The following VPS8 variants were observed in gnomAD, a reference collection of about 807,000 sequenced individuals.
The protein encoded by VPS8 is VPS8 subunit of CORVET complex, also known as vacuolar protein sorting-associated protein 8 homolog.
Under a neutral mutation model 216.4 loss-of-function variants are expected in VPS8, and 129 were observed. The ratio of observed to expected loss-of-function variants is 0.60; its 90% confidence interval spans 0.52 to 0.69. The LOEUF (loss-of-function observed/expected upper bound fraction) is 0.69. VPS8 is among the 30% of genes least tolerant of loss of function. The probability of loss-of-function intolerance (pLI) is 0.00; values close to 1 mark genes in which losing one functional copy is unlikely to be tolerated. For synonymous variants in VPS8, 571 were observed against 565.4 expected, an observed-to-expected ratio of 1.01 and a Z score of -0.14; for missense variants, 1,531 against 1,683.5, an observed-to-expected ratio of 0.91 and a Z score of 1.59.
intron 39 of VPS8, among the ~76,000 whole-genome samples, chr3:184,967,630 G>A (rs1207347607): frequency 2.0e-5 from 3 of 152,068 alleles, no homozygotes; most frequent in African/African-American, 7.3e-5. Context: ...CTGAGGTCAG[G>A]AGTTCGAGAT....
rs1712157191 is a variant in VPS8 at position 185,043,479 on chromosome 3, G to C, written c.4057-5000G>C. On this transcript the variant is annotated intron_variant, in intron 46 of 47. Transcript: ENST00000625842. The stretch of plus-strand genomic sequence containing the variant: ...TTTGTAGTTGAGACAACTGATATGA[G>C]GGATATCAACACAACTAATTAGTGT... 2.6e-5 allele frequency among the ~76,000 whole-genome samples: 4 copies of C among 152,102 alleles called. No individual in the cohort carries two copies. The South Asian group carries it at 8.3e-4, about 32-fold the overall frequency.
intron 46 of VPS8, among the ~76,000 whole-genome samples, chr3:185,027,848 C>T (rs996968052): frequency 6.6e-6 from 1 of 152,108 alleles, no homozygotes; most frequent in African/African-American, 2.4e-5. Flanking sequence ...ACAAGTGGCC[C>T]GGGCAGCATT....
chr3:184,965,204 A>C (rs973938726), intron 38 of VPS8, among the ~76,000 whole-genome samples: 10 of 152,138 alleles, frequency 6.6e-5, no homozygotes, highest in African/African-American at 2.4e-4. Flanking sequence ...TAGGGATATC[A>C]TATTTATATT....
intron 29 of VPS8, 128 bp downstream of exon 29, chr3:184,920,326 G>T (rs373056018): frequency 3.8e-5 from 23 of 604,186 alleles, no homozygotes; most frequent in Non-Finnish European, 5.8e-5. Context: ...ATTTTATTAC[G>T]GTGTCTTTGT....
intron 17 of VPS8, 121 bp downstream of exon 17, chr3:184,867,071 A>C: frequency 2.4e-6 from 2 of 844,064 alleles, no homozygotes; most frequent in Non-Finnish European, 3.6e-6. Flanking sequence ...ATTATCCTAA[A>C]CCCTTTGTGG....
intron 43 of VPS8, among the ~76,000 whole-genome samples, chr3:184,995,584 G>A (rs562304117): frequency 1.3e-5 from 2 of 152,190 alleles, no homozygotes; most frequent in Non-Finnish European, 2.9e-5. Flanking sequence ...AGGGCAGGCA[G>A]TACCTAGCTC....
At chr3:184,842,708 C>T (rs997309393) in intron 7 of VPS8, among the ~76,000 whole-genome samples, 5 of 152,118 alleles carry the variant, frequency 3.3e-5, no homozygotes, top group African/African-American at 1.2e-4. Flanking sequence ...AAGAGCTATA[C>T]TTGTTTAAGT....
intron 42 of VPS8, among the ~76,000 whole-genome samples, chr3:184,989,965 C>T (rs1332679661): frequency 1.3e-5 from 2 of 151,940 alleles, no homozygotes; most frequent in East Asian, 1.9e-4. Context: ...CCCAGCTACT[C>T]GGGAGGCTGA....
chr3:184,961,754 G>A (rs991060711), intron 37 of VPS8, among the ~76,000 whole-genome samples: 3 of 132,540 alleles, frequency 2.3e-5, no homozygotes, highest in African/African-American at 5.5e-5. Flanking sequence ...TTTTGTTTTT[G>A]TTTTTGTTTT....
At chr3:184,990,030 G>A (rs1241732986) in intron 42 of VPS8, among the ~76,000 whole-genome samples, 2 of 151,990 alleles carry the variant, frequency 1.3e-5, no homozygotes, top group Admixed American at 6.6e-5. Context: ...CCGAGACCAC[G>A]CCACTGCACT....
At chr3:184,825,642 C>T (rs1404518418) in intron 2 of VPS8, among the ~76,000 whole-genome samples, 2 of 152,178 alleles carry the variant, frequency 1.3e-5, no homozygotes, top group Admixed American at 6.5e-5. Context: ...TGGCTCACGC[C>T]TGTGATTCCA....
chr3:184,892,956 T>A lies in VPS8; in HGVS notation c.1782-1747T>A, dbSNP rs1305541264. Among the ~76,000 whole-genome samples the A allele has an allele frequency of 4.6e-5, 7 of 152,306 alleles. No homozygotes were observed. In the East Asian group the frequency reaches 1.2e-3, roughly 25 times the overall value. On this transcript the variant is annotated intron_variant, in intron 22 of 47. Transcript: ENST00000625842. ...GGTTATCTTGTTACTTTTTCTTTCTTACAGTAAAACTCCATTAATCTCTGT... is the reference window on the plus strand; with the variant it reads ...GGTTATCTTGTTACTTTTTCTTTCTAACAGTAAAACTCCATTAATCTCTGT...
chr3:184,898,484 A>G (rs1244450287), intron 23 of VPS8, 81 bp from the exon 24 acceptor site: 10 of 1,106,398 alleles, frequency 9.0e-6, no homozygotes, highest in Non-Finnish European at 1.3e-5. Flanking sequence ...AGAGCATTCA[A>G]GACCTTTCCC....
intron 46 of VPS8, among the ~76,000 whole-genome samples, chr3:185,034,092 C>CT (rs1261725947): frequency 1.3e-5 from 2 of 152,076 alleles, no homozygotes; most frequent in African/African-American, 4.8e-5. Context: ...CCGTATTTAT[C>CT]TCCATGTGTG....
chr3:184,814,460 G>A (rs1577673415), intron 1 of VPS8, among the ~76,000 whole-genome samples: 1 of 152,210 alleles, frequency 6.6e-6, no homozygotes, highest in Non-Finnish European at 1.5e-5. Context: ...AAACCTAGAT[G>A]GTGTAGTCTG....
chr3:185,020,144 C>T (rs1756438533), intron 45 of VPS8, among the ~76,000 whole-genome samples: 2 of 152,190 alleles, frequency 1.3e-5, no homozygotes, highest in South Asian at 4.1e-4. Flanking sequence ...GAGGATACAA[C>T]ATCTTAAAAA....
intron 45 of VPS8, among the ~76,000 whole-genome samples, chr3:185,005,061 T>C (rs1237594056): frequency 1.3e-5 from 2 of 152,102 alleles, no homozygotes; most frequent in African/African-American, 4.8e-5. Context: ...ACAGTGAGAG[T>C]TGAGGATCCA....
intron 47 of VPS8, among the ~76,000 whole-genome samples, chr3:185,050,778 T>A (rs1282299578): frequency 4.0e-5 from 6 of 151,880 alleles, no homozygotes; most frequent in Non-Finnish European, 7.4e-5. Context: ...CCCTGAGGAG[T>A]CTGATGGCCC....
chr3:185,000,005 T>G, intron 45 of VPS8, 144 bp downstream of exon 45: 1 of 941,388 alleles, frequency 1.1e-6, no homozygotes, highest in Non-Finnish European at 1.5e-6. Context: ...TTCAGTCCTA[T>G]TTAGTGTTCG....
Sources: allele counts gnomAD v4.1 joint callset (sites outside exome capture counted in the v4.1 genomes callset), GRCh38; gene constraint gnomAD v4.1.1; transcripts MANE v1.5; gene names NCBI Gene and HGNC (gene_info 2026-07-23, HGNC 2026-07-21).